KCNU1: variants seen among roughly 807,000 people sequenced by gnomAD.
The protein encoded by KCNU1 is potassium channel subfamily U member 1.
In KCNU1, 93 loss-of-function variants were observed where a neutral mutation model predicts 126.8. The ratio of observed to expected loss-of-function variants is 0.73; its 90% CI spans 0.62 to 0.87. KCNU1 has a LOEUF of 0.87. KCNU1 is among the 40% of genes least tolerant of loss of function. The pLI is 0.00. For synonymous variants in KCNU1, 523 were observed against 494.2 expected, an observed-to-expected ratio of 1.06 and a Z score of -0.77; for missense variants, 1,330 against 1,367.1, an observed-to-expected ratio of 0.97 and a Z score of 0.43.
intron 1 of KCNU1, among the ~76,000 whole-genome samples, chr8:36,784,970 A>G (rs1802660725): frequency 6.6e-6 from 1 of 152,258 alleles, no homozygotes; most frequent in Non-Finnish European, 1.5e-5. Flanking sequence ...AGGAGGTGAA[A>G]GGGAACAAGA....
At chr8:36,840,794 T>G (rs1374802083) in intron 15 of KCNU1, 138 bp from the exon 16 acceptor site, 8 of 715,684 alleles carry the variant, frequency 1.1e-5, no homozygotes, top group Admixed American at 2.3e-5. Flanking sequence ...GTGGATTCAC[T>G]TACAAGGGAT....
intron 10 of KCNU1, among the ~76,000 whole-genome samples, chr8:36,824,333 A>T (rs1804239488): frequency 6.6e-6 from 1 of 152,190 alleles, no homozygotes; most frequent in South Asian, 2.1e-4. Context: ...ACAGTACAAT[A>T]TGGTATTTTG....
intron 22 of KCNU1, among the ~76,000 whole-genome samples, chr8:36,918,083 G>A (rs534751725): frequency 1.2e-4 from 18 of 152,258 alleles, no homozygotes; most frequent in South Asian, 8.3e-4. Context: ...TGCAGTTTCC[G>A]AAAAATACTA....
chr8:36,886,501 A>C (rs1178530828), intron 19 of KCNU1, among the ~76,000 whole-genome samples: 1 of 152,186 alleles, frequency 6.6e-6, no homozygotes, highest in African/African-American at 2.4e-5. Context: ...AGAAAAAAAC[A>C]GAAACAGGAA....
intron 22 of KCNU1, among the ~76,000 whole-genome samples, chr8:36,915,239 A>T (rs1808053064): frequency 6.6e-6 from 1 of 152,228 alleles, no homozygotes; most frequent in African/African-American, 2.4e-5. Flanking sequence ...TCAATATGTT[A>T]TTGAAAATTC....
intron 7 of KCNU1, 126 bp from the exon 8 acceptor site, chr8:36,814,081 C>T (rs1803820746): frequency 5.8e-6 from 4 of 686,994 alleles, no homozygotes; most frequent in Admixed American, 5.5e-5. Flanking sequence ...TCATAGCAAC[C>T]TGAAAGCCAT....
chr8:36,797,263 G>A (rs1009547622), intron 2 of KCNU1, among the ~76,000 whole-genome samples: 15 of 152,180 alleles, frequency 9.9e-5, no homozygotes, highest in Admixed American at 5.2e-4. Flanking sequence ...ACCACTCAAG[G>A]CAGAGTAAGC....
chr8:36,784,393 T>A lies in KCNU1; in HGVS notation c.-18T>A, dbSNP rs1217761350. The A allele has an allele frequency of 2.5e-6, 4 of 1,596,526 alleles. No individual in the cohort carries two copies. The South Asian group carries it at 4.5e-5, about 18-fold the overall frequency. On this transcript the variant is annotated 5_prime_UTR_variant, in exon 1 of 27. Transcript: ENST00000399881. ...GTCATCAAATGACCTGGCAATTCCGTCTACTGATGTCTCGAACATGTTTCA... is the reference window on the plus strand; with the variant it reads ...GTCATCAAATGACCTGGCAATTCCGACTACTGATGTCTCGAACATGTTTCA...
chr8:36,884,745 C>CA (rs1384722308), intron 19 of KCNU1, among the ~76,000 whole-genome samples: 1 of 146,600 alleles, frequency 6.8e-6, no homozygotes, highest in African/African-American at 2.5e-5. Context: ...GGCTTCATCT[C>CA]AAAAAAATAA....
Position 36,833,658 on chromosome 8 carries a change from C to A in KCNU1, c.1211C>A (p.Ala404Glu), listed in dbSNP as rs189044708. The stretch of plus-strand genomic sequence containing the variant: ...AAGTGGGAGGATCTGAGGCGAGTTG[C>A]GGTAAGATCTAGCTGTTTTTGTTCC... Reference protein sequence around the residue: ...AMKWEDLRRVAVESAEACLII... With the variant: ...AMKWEDLRRVEVESAEACLII... Residue 404 changes from alanine (A) to glutamate (E), a missense_variant and splice_region_variant, in exon 11 of 27, where the codon GCG (alanine) becomes GAG (glutamate). Physicochemically the swap from Ala to Glu is moderately radical, Grantham distance 107. Transcript: ENST00000399881. 2.3e-5 allele frequency: 37 copies of A among 1,586,306 alleles called. No individual in the cohort carries two copies. The highest frequency in any genetic ancestry group is 3.1e-5 in the Non-Finnish European group (36 of 1,155,516).
At position 36,879,823 on chromosome 8, in the gene KCNU1, C is replaced by G. The variant is rs188692802; in HGVS notation, c.2009+15302C>G. Among the ~76,000 whole-genome samples, 618 of 152,224 alleles carry G rather than the reference C, an allele frequency of 4.1e-3. 19 individuals are homozygous for G. The highest frequency in any genetic ancestry group is 0.037 in the Admixed American group (569 of 15,278). ...CTCAGATCTTCTGGAAGGCCTGCCTCGAGTGGGCACTGTAAAAGATTGGTT... is the reference window on the plus strand; with the variant it reads ...CTCAGATCTTCTGGAAGGCCTGCCTGGAGTGGGCACTGTAAAAGATTGGTT... On this transcript the variant is annotated intron_variant, in intron 19 of 26. Coordinates refer to ENST00000399881, the MANE Select transcript of KCNU1 (RefSeq NM_001031836.3).
At position 36,817,766 on chromosome 8, in the gene KCNU1, T is replaced by C. The variant is rs1402528875; in HGVS notation, c.1106+6T>C. The C allele has an allele frequency of 4.3e-6, 6 of 1,387,966 alleles. No homozygotes were observed. The highest frequency in any genetic ancestry group is 5.1e-6 in the Non-Finnish European group (5 of 973,806). 86.0% of individuals were successfully genotyped at this position (1,387,966 alleles called of 1,614,324 possible). On this transcript the variant is annotated splice_donor_region_variant and intron_variant, in intron 10 of 26. Coordinates refer to ENST00000399881, the MANE Select transcript of KCNU1 (RefSeq NM_001031836.3). ...GAAATTGTTTTCCTGGGAGAGTAAG[T>C]ATATCTGTATGGCTCATGGGTTCTA...
At chr8:36,819,928 G>A (rs1308097009) in intron 10 of KCNU1, among the ~76,000 whole-genome samples, 1 of 152,150 alleles carries the variant, frequency 6.6e-6, no homozygotes, top group African/African-American at 2.4e-5. Flanking sequence ...CAGAAGATGT[G>A]ACACTTTGCT....
chr8:36,898,594 T>A (rs912664737), intron 19 of KCNU1, among the ~76,000 whole-genome samples: 6 of 152,040 alleles, frequency 3.9e-5, no homozygotes, highest in Admixed American at 2.6e-4. Flanking sequence ...AAAAATAGTC[T>A]TGTGTCTGAA....
At position 36,854,039 on chromosome 8, in the gene KCNU1, C is replaced by A. The variant is rs191716363; in HGVS notation, c.1891+8140C>A. ...TTCTCATTCAGCGCTTTAAATATTT[C>A]ATCCTACTTCTTTCTGGCCTCTATT... is the stretch of plus-strand genomic sequence containing the variant. On this transcript the variant is annotated intron_variant, in intron 18 of 26. Transcript: ENST00000399881. Among the ~76,000 whole-genome samples the A allele has an allele frequency of 7.4e-4, 113 of 152,228 alleles. 1 individual carries two copies. The highest frequency in any genetic ancestry group is 2.7e-3 in the African/African-American group (111 of 41,548).
intron 7 of KCNU1, among the ~76,000 whole-genome samples, chr8:36,809,593 C>T (rs970718887): frequency 5.9e-5 from 9 of 152,128 alleles, no homozygotes; most frequent in African/African-American, 2.2e-4. Context: ...AAATCTGAAG[C>T]TCTCTACATC....
intron 2 of KCNU1, among the ~76,000 whole-genome samples, chr8:36,795,015 T>C (rs930692893): frequency 6.6e-5 from 10 of 152,180 alleles, no homozygotes; most frequent in African/African-American, 2.4e-4. Flanking sequence ...AGTTGGGCTC[T>C]AAATTTCTTG....
intron 16 of KCNU1, among the ~76,000 whole-genome samples, chr8:36,841,574 C>T (rs947820782): frequency 1.3e-5 from 2 of 152,044 alleles, no homozygotes; most frequent in African/African-American, 4.8e-5. Flanking sequence ...CCTGGGCCTG[C>T]AATCCCGGCT....
At chr8:36,898,328 C>T (rs1249610578) in intron 19 of KCNU1, among the ~76,000 whole-genome samples, 1 of 152,006 alleles carries the variant, frequency 6.6e-6, no homozygotes, top group African/African-American at 2.4e-5. Flanking sequence ...GCACCTCACA[C>T]CAGTAACATT....
Sources: gnomAD v4.1 joint callset for allele counts (sites outside exome capture counted in the v4.1 genomes callset) on GRCh38, gnomAD v4.1.1 for gene constraint, MANE v1.5 for transcripts, NCBI Gene and HGNC (gene_info 2026-07-23, HGNC 2026-07-21) for gene names.